Variants in PGR observed in about 807,000 individuals in gnomAD.
PGR encodes the protein nuclear receptor subfamily 3 group C member 3.
Under a neutral mutation model 76.1 loss-of-function variants are expected in PGR, and 25 were observed. The ratio of observed to expected loss-of-function variants is 0.33; its 90% CI spans 0.24 to 0.46. The LOEUF is 0.46. Among genes scored for constraint, PGR ranks in the 20% least tolerant of loss-of-function variants. PGR has a pLI of 1.00. For missense variants in PGR, 1,172 were observed against 1,225.3 expected (o/e 0.96, Z 0.65); for synonymous variants, 579 against 535.0 (o/e 1.08, Z -1.14).
intron 2 of PGR, among the ~76,000 whole-genome samples, chr11:101,123,580 C>A (rs1386966036): frequency 3.3e-5 from 5 of 152,190 alleles, no homozygotes; most frequent in Non-Finnish European, 7.3e-5. Context: ...AATGCTTAGT[C>A]AGTGTAATCT....
At chr11:101,117,255 T>A (rs1357699375) in intron 2 of PGR, among the ~76,000 whole-genome samples, 1 of 152,210 alleles carries the variant, frequency 6.6e-6, no homozygotes, top group African/African-American at 2.4e-5. Context: ...TTTTAATCAG[T>A]AATGCTTATT....
rs1254763654 is a variant in PGR, at chr11:101,041,880, C to A, written c.2646+65G>T. The stretch of plus-strand genomic sequence containing the variant: ...CATACAAAGTAAAATTTACATGTAA[C>A]ATTTAAAAAGTTATAGAAATTCAGA... On this transcript the variant is annotated intron_variant, in intron 7 of 7. Transcript: ENST00000325455. The A allele has an allele frequency of 2.3e-5, 32 of 1,407,292 alleles. No individual in the cohort carries two copies. The Admixed American group carries it at 5.3e-4, about 23-fold the overall frequency. The allele number at this position is 1,407,292 out of a possible 1,614,324, so 87.2% of individuals were successfully genotyped here. A position where few individuals can be genotyped will look rare whatever the true frequency, so the allele number is the denominator to read the frequency against.
chr11:101,113,950 G>GC (rs112636360), intron 2 of PGR, among the ~76,000 whole-genome samples: 1,999 of 151,570 alleles, frequency 0.013, 54 homozygotes, highest in African/African-American at 0.045. Flanking sequence ...ACTTTCATCC[G>GC]CCCCCCCATC....
chr11:101,100,924 T>C (rs1410138518), intron 2 of PGR, among the ~76,000 whole-genome samples: 1 of 152,118 alleles, frequency 6.6e-6, no homozygotes, highest in Non-Finnish European at 1.5e-5. Context: ...CATGATCCCC[T>C]TACTTTTTCA....
At position 101,128,109 on chromosome 11, in the gene PGR, C is replaced by G. The variant is rs370383285; in HGVS notation, c.962G>C (p.Arg321Pro). 2.5e-6 allele frequency: 4 copies of G among 1,598,586 alleles called. No homozygotes were observed. The highest frequency in any genetic ancestry group is 3.4e-6 in the Non-Finnish European group (4 of 1,179,656). Residue 321 changes from arginine to proline, a missense_variant, in exon 1 of 8, where the codon CGG becomes CCG. By Grantham distance (103) the Arg-to-Pro change is moderately radical (BLOSUM62 -2). Around this residue, in one of 4 missense-constraint regions of PGR, gnomAD observed 893 missense variants for 785.9 expected, o/e 1.14. Coordinates refer to ENST00000325455, the MANE Select transcript of PGR (RefSeq NM_000926.4). ...LNHALLAART[R>P]QLLEDESYDG... ...GTAACTTTCGTCTTCCAGCAGCTGCCGAGTGCGGGCTGCCAATAAGGCGTG... is the reference window on the plus strand; with the variant it reads ...GTAACTTTCGTCTTCCAGCAGCTGCGGAGTGCGGGCTGCCAATAAGGCGTG...
intron 6 of PGR, among the ~76,000 whole-genome samples, chr11:101,047,063 C>A (rs1306539979): frequency 6.7e-6 from 1 of 148,182 alleles, no homozygotes. Flanking sequence ...TAAATAGTTT[C>A]TTTTTCTTCC....
At position 101,030,639 on chromosome 11, in the gene PGR, G is replaced by C. The variant is rs551617198; in HGVS notation, c.*8477C>G. 2 of 215,072 alleles carry C rather than the reference G, an allele frequency of 9.3e-6. No individual in the cohort carries two copies. The highest frequency in any genetic ancestry group is 1.4e-4 in the East Asian group (2 of 14,458). The allele number at this position is 215,072 out of a possible 1,614,324, so 13.3% of individuals were successfully genotyped here. On this transcript the variant is annotated 3_prime_UTR_variant, in exon 8 of 8. Coordinates refer to ENST00000325455, the MANE Select transcript of PGR (RefSeq NM_000926.4). The stretch of plus-strand genomic sequence containing the variant: ...GAGGAGAATTGGAATTGTTATAGCG[G>C]AAATGTTCAAAGAAAGTCAACATTC...
intron 3 of PGR, among the ~76,000 whole-genome samples, chr11:101,085,322 T>A (rs1020483171): frequency 3.3e-5 from 5 of 151,234 alleles, no homozygotes; most frequent in Non-Finnish European, 4.4e-5. Context: ...AATTAAAAAG[T>A]TTGCTCTGGA....
intron 5 of PGR, chr11:101,050,934 C>A (rs645213): frequency 0.23 from 56,538 of 247,526 alleles, 6,982 homozygotes; most frequent in African/African-American, 0.32. Context: ...ACCACTAGAA[C>A]AATATAAATA....
rs923874516 is a variant in PGR at position 101,127,601 on chromosome 11, G to A, written c.1470C>T (p.Leu490=). 22 of 1,303,394 alleles carry A rather than the reference G, an allele frequency of 1.7e-5. No individual in the cohort carries two copies. Among genetic ancestry groups the A allele is most frequent in the East Asian group, 1.2e-4 (4 of 32,076 alleles). The allele number at this position is 1,303,394 out of a possible 1,614,324, so 80.7% of individuals were successfully genotyped here. ...CKAPGASGCL[L]PRDGLPSTSA... ...AGGTGGAGGGCAGGCCGTCCCGCGG[G>A]AGCAGGCAGCCGCTCGCGCCCGGCG... The change falls in exon 1 of 8, where the codon CTC becomes CTT. Residue 490 remains leucine (L), a synonymous_variant. Transcript: ENST00000325455.
At chr11:101,062,838 T>C in intron 3 of PGR, 86 bp from the exon 4 acceptor site, 1 of 879,206 alleles carries the variant, frequency 1.1e-6, no homozygotes, top group Non-Finnish European at 1.7e-6. Flanking sequence ...AGTCTTAGAA[T>C]CATAGCATTA....
Position 101,098,056 on chromosome 11 carries a change from G to A in PGR, c.1790-6180C>T, listed in dbSNP as rs752836074. On this transcript the variant is annotated intron_variant, in intron 2 of 7. Coordinates refer to ENST00000325455, the MANE Select transcript of PGR (RefSeq NM_000926.4). ...CTCCTGAAGTGCTGAGATTACAGGCGTGAGCCACCGTGCCCAGCCCCAAGT... is the reference window on the plus strand; with the variant it reads ...CTCCTGAAGTGCTGAGATTACAGGCATGAGCCACCGTGCCCAGCCCCAAGT... Among the ~76,000 whole-genome samples the A allele has an allele frequency of 9.9e-5, 15 of 152,130 alleles. No homozygotes were observed. The East Asian group carries it at 2.5e-3, about 26-fold the overall frequency.
intron 2 of PGR, among the ~76,000 whole-genome samples, chr11:101,094,184 C>T (rs943403578): frequency 5.3e-5 from 8 of 152,308 alleles, no homozygotes; most frequent in South Asian, 2.1e-4. Context: ...TGAATACATT[C>T]CCCTTTTTTT....
At chr11:101,041,484 A>AT (rs1261607639) in intron 7 of PGR, among the ~76,000 whole-genome samples, 3 of 152,116 alleles carry the variant, frequency 2.0e-5, no homozygotes, top group Non-Finnish European at 4.4e-5. Flanking sequence ...TTTCTTTAAG[A>AT]TAAATCCTAA....
intron 3 of PGR, among the ~76,000 whole-genome samples, chr11:101,087,306 A>G (rs1042729164): frequency 8.1e-4 from 123 of 152,224 alleles, no homozygotes; most frequent in Non-Finnish European, 3.5e-4. Context: ...ATCTTTGACA[A>G]TGTTGACAAA....
intron 3 of PGR, among the ~76,000 whole-genome samples, chr11:101,086,801 G>A (rs1208330982): frequency 4.6e-5 from 7 of 152,098 alleles, no homozygotes; most frequent in Non-Finnish European, 1.0e-4. Flanking sequence ...CATTCAAGGT[G>A]AGAGCCAAAT....
chr11:101,062,370 G>A, intron 4 of PGR, 77 bp downstream of exon 4: 1 of 1,092,008 alleles, frequency 9.2e-7, no homozygotes, highest in Non-Finnish European at 1.4e-6. Flanking sequence ...TGCATAGAGT[G>A]TTTTATTTAA....
rs1861036156 is a variant in PGR at position 101,074,024 on chromosome 11, A to T, written c.1907-11272T>A. Reference sequence around the variant, plus strand: ...CCAAAACCCGGCAGAGAAACAACAAAAAAGAAAATTTCAGGCCAATATCCC... The same window carrying T: ...CCAAAACCCGGCAGAGAAACAACAATAAAGAAAATTTCAGGCCAATATCCC... On this transcript the variant is annotated intron_variant, in intron 3 of 7. Coordinates refer to ENST00000325455, the MANE Select transcript of PGR (RefSeq NM_000926.4). 1.3e-5 allele frequency among the ~76,000 whole-genome samples: 2 copies of T among 152,170 alleles called. 1 individual carries two copies. Among genetic ancestry groups the T allele is most frequent in the Non-Finnish European group, 2.9e-5 (2 of 68,028 alleles).
chr11:101,093,543 G>A (rs968938526), intron 2 of PGR, among the ~76,000 whole-genome samples: 2 of 152,036 alleles, frequency 1.3e-5, no homozygotes, highest in South Asian at 2.1e-4. Flanking sequence ...TCACCACAAC[G>A]TCCACCTCCT....
Sources: gnomAD v4.1 joint callset for allele counts (sites outside exome capture counted in the v4.1 genomes callset) on GRCh38, gnomAD v4.1.1 for gene constraint, gnomAD v4.1.1 regional missense constraint, MANE v1.5 for transcripts, NCBI Gene and HGNC (gene_info 2026-07-23, HGNC 2026-07-21) for gene names.